The following TCF4 variants were observed in gnomAD, a reference collection of about 807,000 sequenced individuals.
The protein encoded by TCF4 is transcription factor 4.
A neutral mutation model predicts 82.1 loss-of-function variants in TCF4; 3 were observed. The observed-to-expected ratio is 0.04, with a 90% CI of 0.02 to 0.09. TCF4 has a LOEUF of 0.09. Among genes scored for constraint, TCF4 ranks in the 10% least tolerant of loss-of-function variants. The pLI is 1.00. For missense variants in TCF4, 518 were observed against 852.7 expected (o/e 0.61, Z 4.89); for synonymous variants, 276 against 309.6 (o/e 0.89, Z 1.14).
intron 6 of TCF4, among the ~76,000 whole-genome samples, chr18:55,394,138 T>C (rs2146241223): frequency 6.6e-6 from 1 of 152,268 alleles, no homozygotes; most frequent in African/African-American, 2.4e-5. Context: ...ATTACAGAGA[T>C]GAAATTTAAT....
At chr18:55,368,312 C>T (rs1003327513) in intron 6 of TCF4, among the ~76,000 whole-genome samples, 7 of 152,086 alleles carry the variant, frequency 4.6e-5, no homozygotes, top group African/African-American at 1.7e-4. Flanking sequence ...ACCCAGGAGG[C>T]GGAGGTTGCA....
At chr18:55,271,172 G>A (rs556858451) in intron 10 of TCF4, among the ~76,000 whole-genome samples, 1 of 152,168 alleles carries the variant, frequency 6.6e-6, no homozygotes, top group Non-Finnish European at 1.5e-5. Flanking sequence ...AAGAGTCCCT[G>A]ACTACCTCCA....
At position 55,370,419 on chromosome 18, in the gene TCF4, TAGAC is replaced by T. The variant is rs1461670947; in HGVS notation, c.370-19420_370-19417del. Among the ~76,000 whole-genome samples, 7 of 147,770 alleles carry T rather than the reference TAGAC, an allele frequency of 4.7e-5. No individual in the cohort carries two copies. In the South Asian group the frequency reaches 1.1e-3, roughly 23 times the overall value. On this transcript the variant is annotated intron_variant, in intron 6 of 19. Coordinates refer to ENST00000354452, the MANE Select transcript of TCF4 (RefSeq NM_001083962.2). Reference sequence around the variant, plus strand: ...GTAGGTAGGTAGGTATGTAGATAGATAGACAGATGATAGATAGATAGATAGATAG... The same window carrying T: ...GTAGGTAGGTAGGTATGTAGATAGATAGATGATAGATAGATAGATAGATAG...
intron 10 of TCF4, among the ~76,000 whole-genome samples, chr18:55,272,083 CTT>C (rs1338387784): frequency 6.6e-6 from 1 of 151,976 alleles, no homozygotes; most frequent in Admixed American, 6.6e-5. Flanking sequence ...TCTTTGGGCC[CTT>C]TTAACTTTAT....
intron 6 of TCF4, among the ~76,000 whole-genome samples, chr18:55,364,266 T>C (rs146831965): frequency 4.1e-4 from 62 of 152,342 alleles, no homozygotes; most frequent in African/African-American, 1.3e-3. Flanking sequence ...TATGGTAACA[T>C]TATATCTGTG....
intron 5 of TCF4, among the ~76,000 whole-genome samples, chr18:55,438,188 G>C (rs1248320635): frequency 6.9e-6 from 1 of 145,418 alleles, no homozygotes; most frequent in African/African-American, 2.6e-5. Context: ...GTGACGGAGT[G>C]AGACTTCGTC....
At chr18:55,552,891 A>G (rs1231559208) in intron 3 of TCF4, among the ~76,000 whole-genome samples, 1 of 152,270 alleles carries the variant, frequency 6.6e-6, no homozygotes, top group African/African-American at 2.4e-5. Context: ...TGGCACAGCA[A>G]GAGAAGCAAT....
At chr18:55,381,995 C>T (rs1400307485) in intron 6 of TCF4, among the ~76,000 whole-genome samples, 2 of 151,560 alleles carry the variant, frequency 1.3e-5, no homozygotes, top group East Asian at 3.9e-4. Context: ...ATACTTCTGG[C>T]TTAGAAAATG....
At chr18:55,362,433 G>GAAAAAAAAAAAAAA (rs2085665621) in intron 6 of TCF4, among the ~76,000 whole-genome samples, 1 of 133,846 alleles carries the variant, frequency 7.5e-6, no homozygotes, top group African/African-American at 2.8e-5. Context: ...AAGGAAGGAA[G>GAAAAAAAAAAAAAA]GAAAAAAAAA....
chr18:55,527,252 G>A (rs900760194), intron 3 of TCF4, among the ~76,000 whole-genome samples: 4 of 152,218 alleles, frequency 2.6e-5, no homozygotes, highest in South Asian at 2.1e-4. Context: ...AAACTGCAAC[G>A]GCAGACTTAC....
At chr18:55,260,661 C>T (rs1398914773) in intron 12 of TCF4, among the ~76,000 whole-genome samples, 4 of 152,072 alleles carry the variant, frequency 2.6e-5, no homozygotes, top group Non-Finnish European at 5.9e-5. Context: ...CAGGTTCAAG[C>T]GATTCTCCTG....
At chr18:55,357,478 A>G (rs1262870994) in intron 6 of TCF4, among the ~76,000 whole-genome samples, 2 of 152,226 alleles carry the variant, frequency 1.3e-5, no homozygotes, top group African/African-American at 4.8e-5. Flanking sequence ...TTCCTTCAGC[A>G]ATTTTGTGCC....
chr18:55,536,202 GT>G (rs1247234292), intron 3 of TCF4, among the ~76,000 whole-genome samples: 11 of 152,066 alleles, frequency 7.2e-5, no homozygotes, highest in African/African-American at 2.7e-4. Flanking sequence ...TCACATCATG[GT>G]CTTCAAGCAT....
At chr18:55,503,424 A>G (rs2096721318) in intron 3 of TCF4, among the ~76,000 whole-genome samples, 2 of 152,128 alleles carry the variant, frequency 1.3e-5, no homozygotes, top group South Asian at 4.1e-4. Flanking sequence ...TTCACATATT[A>G]TTTCATTCAT....
At chr18:55,481,757 T>G (rs2096437745) in intron 3 of TCF4, among the ~76,000 whole-genome samples, 1 of 152,218 alleles carries the variant, frequency 6.6e-6, no homozygotes. Context: ...AGACGTCCAA[T>G]TCAACATTTT....
At chr18:55,546,320 C>G (rs1010662972) in intron 3 of TCF4, among the ~76,000 whole-genome samples, 11 of 152,050 alleles carry the variant, frequency 7.2e-5, no homozygotes, top group East Asian at 5.8e-4. Context: ...GCCTGGGCAA[C>G]AGAGAGAGAC....
intron 3 of TCF4, among the ~76,000 whole-genome samples, chr18:55,501,894 C>T (rs56014717): frequency 0.041 from 6,255 of 152,084 alleles, 444 homozygotes; most frequent in African/African-American, 0.14. Context: ...TCCAGAAGAC[C>T]CCCGCCCACC....
chr18:55,321,953 G>A, intron 8 of TCF4: 1 of 1,357,514 alleles, frequency 7.4e-7, no homozygotes, highest in Non-Finnish European at 9.5e-7. Flanking sequence ...GAGCTGGAAG[G>A]CAGCCCGGCC....
At chr18:55,588,322 T>TG (rs1178491278), upstream of TCF4, 4,839 of 1,388,552 alleles carry the variant, frequency 3.5e-3, 18 homozygotes, top group Non-Finnish European at 4.0e-3. Context: ...AAGAAATGGG[T>TG]GGGGGGGCTC....
Sources: gnomAD v4.1 joint callset for allele counts (sites outside exome capture counted in the v4.1 genomes callset) on GRCh38, gnomAD v4.1.1 for gene constraint, MANE v1.5 for transcripts, NCBI Gene and HGNC (gene_info 2026-07-23, HGNC 2026-07-21) for gene names.